Variants in SLC10A7 observed in about 807,000 individuals in gnomAD.
SLC10A7 encodes the protein sodium/bile acid cotransporter 7.
SLC10A7 carries 29 observed loss-of-function variants against 43.2 expected under a neutral mutation model. The observed-to-expected ratio is 0.67, with a 90% CI of 0.50 to 0.92. The LOEUF (loss-of-function observed/expected upper bound fraction) is 0.92, where lower values mean the gene tolerates loss of function less well. Ranked by LOEUF, SLC10A7 falls within the 40% of genes least tolerant of loss-of-function variation. SLC10A7 has a pLI of 0.00. For missense variants in SLC10A7, 295 were observed against 403.2 expected, an observed-to-expected ratio of 0.73 and a Z score of 2.30; for synonymous variants, 152 against 144.8, an observed-to-expected ratio of 1.05 and a Z score of -0.35.
intron 10 of SLC10A7, among the ~76,000 whole-genome samples, chr4:146,281,275 G>A (rs962799407): frequency 7.2e-5 from 11 of 152,080 alleles, no homozygotes; most frequent in Admixed American, 7.2e-4. Flanking sequence ...TCCTGAGTAT[G>A]CGTTTTGCTC....
intron 5 of SLC10A7, among the ~76,000 whole-genome samples, chr4:146,356,961 C>G (rs1286921718): frequency 6.6e-6 from 1 of 152,124 alleles, no homozygotes; most frequent in East Asian, 1.9e-4. Flanking sequence ...AATAAACTTG[C>G]AAGGAAACAA....
At chr4:146,354,574 T>C (rs893392694) in intron 5 of SLC10A7, among the ~76,000 whole-genome samples, 1 of 148,134 alleles carries the variant, frequency 6.8e-6, no homozygotes, top group African/African-American at 2.5e-5. Context: ...AGAGCCCGCA[T>C]CGCCAAGTCA....
intron 4 of SLC10A7, among the ~76,000 whole-genome samples, chr4:146,499,267 A>G (rs1736189209): frequency 2.0e-5 from 3 of 152,186 alleles, no homozygotes. Context: ...CAGCAATTCT[A>G]TTGCTATGTT....
At chr4:146,331,768 TC>T (rs1733553703) in intron 5 of SLC10A7, among the ~76,000 whole-genome samples, 3 of 152,328 alleles carry the variant, frequency 2.0e-5, no homozygotes, top group African/African-American at 7.2e-5. Flanking sequence ...TCATCTTTTG[TC>T]CTGTGGTCAG....
intron 4 of SLC10A7, among the ~76,000 whole-genome samples, chr4:146,494,962 T>G (rs1439587979): frequency 6.6e-6 from 1 of 152,190 alleles, no homozygotes; most frequent in Non-Finnish European, 1.5e-5. Context: ...TACAGTCAAC[T>G]CTTTCTACCT....
chr4:146,505,798 A>G (rs1411704770), intron 3 of SLC10A7, among the ~76,000 whole-genome samples: 1 of 152,190 alleles, frequency 6.6e-6, no homozygotes, highest in Non-Finnish European at 1.5e-5. Context: ...ATCATCACTA[A>G]TACTGAGCAT....
At chr4:146,466,458 C>A (rs1330994625) in intron 4 of SLC10A7, among the ~76,000 whole-genome samples, 2 of 152,170 alleles carry the variant, frequency 1.3e-5, no homozygotes, top group Non-Finnish European at 2.9e-5. Context: ...AAGATGTTTT[C>A]TTAACCAAAC....
intron 5 of SLC10A7, chr4:146,442,140 C>T (rs1730649338): frequency 4.1e-6 from 4 of 968,662 alleles, no homozygotes; most frequent in Admixed American, 6.2e-5. Context: ...CAAATCAAGC[C>T]TCTGTTACAT....
chr4:146,333,121 C>A (rs541983134), intron 5 of SLC10A7, among the ~76,000 whole-genome samples: 1 of 152,248 alleles, frequency 6.6e-6, no homozygotes, highest in East Asian at 1.9e-4. Flanking sequence ...AGCAGTTCTA[C>A]CTGGTTCCTC....
At chr4:146,300,894 G>A (rs1731115978) in intron 7 of SLC10A7, among the ~76,000 whole-genome samples, 1 of 152,064 alleles carries the variant, frequency 6.6e-6, no homozygotes, top group Non-Finnish European at 1.5e-5. Flanking sequence ...GCAACCTAGG[G>A]AAAATTACTG....
chr4:146,266,671 T>C (rs969531821), intron 10 of SLC10A7, among the ~76,000 whole-genome samples: 2 of 152,146 alleles, frequency 1.3e-5, no homozygotes, highest in African/African-American at 4.8e-5. Context: ...CTAGTAATAA[T>C]AGTTGTTTTT....
intron 10 of SLC10A7, among the ~76,000 whole-genome samples, chr4:146,260,793 C>A (rs1728174657): frequency 6.6e-6 from 1 of 152,180 alleles, no homozygotes; most frequent in African/African-American, 2.4e-5. Flanking sequence ...GCCTGGCATG[C>A]AAAACACTTT....
At chr4:146,382,797 C>T (rs1275460773) in intron 5 of SLC10A7, among the ~76,000 whole-genome samples, 1 of 151,926 alleles carries the variant, frequency 6.6e-6, no homozygotes, top group African/African-American at 2.4e-5. Context: ...ACCTTGTGTC[C>T]TTTCCTCTTC....
intron 4 of SLC10A7, among the ~76,000 whole-genome samples, chr4:146,444,848 AC>A (rs1357089514): frequency 6.6e-6 from 1 of 152,182 alleles, no homozygotes; most frequent in Non-Finnish European, 1.5e-5. Context: ...GTGAAATCAG[AC>A]ACTGAAACCA....
In SLC10A7 at chr4:146,502,733, T is replaced by C. The variant is rs577454401; in HGVS notation, c.396+1116A>G. 7.2e-5 allele frequency among the ~76,000 whole-genome samples: 11 copies of C among 152,378 alleles called. No homozygotes were observed. In the South Asian group the frequency reaches 1.0e-3, roughly 14 times the overall value. On this transcript the variant is annotated intron_variant, in intron 4 of 11. Coordinates refer to ENST00000335472, the MANE Select transcript of SLC10A7 (RefSeq NM_001029998.6). ...ACATAGATGAATTTCAAAATATGTA[T>C]GCTTAGTAAAAGAAGCCAGAAAAGA...
At chr4:146,303,347 ACGTCT>A (rs1731285413) in intron 7 of SLC10A7, among the ~76,000 whole-genome samples, 2 of 150,948 alleles carry the variant, frequency 1.3e-5, no homozygotes, top group Non-Finnish European at 2.9e-5. Context: ...TAAATATTAC[ACGTCT>A]ATGCACACAT....
intron 5 of SLC10A7, among the ~76,000 whole-genome samples, chr4:146,431,576 C>T (rs995124487): frequency 6.6e-6 from 1 of 151,872 alleles, no homozygotes; most frequent in Non-Finnish European, 1.5e-5. Flanking sequence ...ACACATAAAC[C>T]TTACAACTCT....
chr4:146,337,429 T>C (rs1733965412), intron 5 of SLC10A7, among the ~76,000 whole-genome samples: 1 of 151,932 alleles, frequency 6.6e-6, no homozygotes, highest in Non-Finnish European at 1.5e-5. Flanking sequence ...ACACACAAGA[T>C]ACACAGCTCT....
At chr4:146,514,438 T>C (rs576376626) in intron 2 of SLC10A7, 8 of 152,316 alleles carry the variant, frequency 5.3e-5, no homozygotes, top group Non-Finnish European at 1.0e-4. Flanking sequence ...GAATTTTAAA[T>C]GTAACCATAT....
Sources: allele counts gnomAD v4.1 joint callset (sites outside exome capture counted in the v4.1 genomes callset), GRCh38; gene constraint gnomAD v4.1.1; transcripts MANE v1.5; gene names NCBI Gene and HGNC (gene_info 2026-07-23, HGNC 2026-07-21).